The following POLA1 variants were observed in gnomAD, a reference collection of about 807,000 sequenced individuals.
POLA1 encodes DNA polymerase alpha catalytic subunit.
POLA1 carries 15 observed loss-of-function variants against 124.0 expected under a neutral mutation model. The observed-to-expected ratio is 0.12, with a 90% CI of 0.08 to 0.19. The LOEUF (loss-of-function observed/expected upper bound fraction) is 0.19, where lower values mean the gene tolerates loss of function less well. Ranked by LOEUF, POLA1 falls within the 10% of genes least tolerant of loss-of-function variation. The probability of loss-of-function intolerance (pLI) is 1.00; values close to 1 mark genes in which losing one functional copy is unlikely to be tolerated. For synonymous variants in POLA1, 408 were observed against 389.4 expected (o/e 1.05, Z -0.56); for missense variants, 886 against 1,103.4 (o/e 0.80, Z 2.79).
intron 36 of POLA1, among the ~76,000 whole-genome samples, chrX:24,947,336 C>T (rs1254800691): frequency 5.5e-5 from 5 of 90,753 alleles, no homozygotes; most frequent in East Asian, 3.8e-4. Flanking sequence ...GGCGCAATCA[C>T]GGCTCACTGC....
chrX:24,780,762 A>T (rs940007171), intron 26 of POLA1, among the ~76,000 whole-genome samples: 5 of 111,606 alleles, frequency 4.5e-5, no homozygotes, highest in Non-Finnish European at 5.6e-5. Context: ...TTGGTCTGAA[A>T]TTTTCTTTTC....
At position 24,838,730 on chromosome X, in the gene POLA1, AGT is replaced by A. The variant is rs11573428; in HGVS notation, c.3737-2919_3737-2918del. Among the ~76,000 whole-genome samples, 390 of 112,675 alleles carry A rather than the reference AGT, an allele frequency of 3.5e-3. 19 individuals are homozygous for A. In the East Asian group the frequency reaches 0.089, roughly 26 times the overall value. On this transcript the variant is annotated intron_variant, in intron 32 of 36. Coordinates refer to ENST00000379068, the MANE Select transcript of POLA1 (RefSeq NM_001330360.2). Reference sequence around the variant, plus strand: ...TTGCTTTAATGTCATTTTTGACAGAAGTGTTTAATTTTGGAGTGACAACAATT... The same window carrying A: ...TTGCTTTAATGTCATTTTTGACAGAAGTTTAATTTTGGAGTGACAACAATT...
chrX:24,753,129 T>G (rs1602335168), intron 26 of POLA1, among the ~76,000 whole-genome samples: 1 of 108,731 alleles, frequency 9.2e-6, no homozygotes, highest in East Asian at 2.9e-4. Flanking sequence ...CTACTCTCCC[T>G]CAGCCTCCCG....
At chrX:24,820,446 A>G (rs1000011455) in intron 30 of POLA1, among the ~76,000 whole-genome samples, 1 of 111,466 alleles carries the variant, frequency 9.0e-6, no homozygotes, top group Non-Finnish European at 1.9e-5. Context: ...AGGGCTGGGT[A>G]TCCCCCTCCT....
At chrX:24,711,877 C>A (rs1014260907) in intron 4 of POLA1, among the ~76,000 whole-genome samples, 2 of 111,321 alleles carry the variant, frequency 1.8e-5, no homozygotes, top group Non-Finnish European at 3.8e-5. Context: ...GGATTACAGG[C>A]GTGAGCCACC....
intron 36 of POLA1, among the ~76,000 whole-genome samples, chrX:24,943,082 C>G (rs1337153019): frequency 8.9e-6 from 1 of 112,695 alleles, no homozygotes; most frequent in Non-Finnish European, 1.9e-5. Flanking sequence ...TTGATCCATC[C>G]TACAGGATAC....
chrX:24,888,462 G>A (rs1360715596), intron 35 of POLA1, among the ~76,000 whole-genome samples: 2 of 110,902 alleles, frequency 1.8e-5, no homozygotes, highest in Non-Finnish European at 3.8e-5. Context: ...ATTTGTAAGA[G>A]CCAGAAATCC....
intron 26 of POLA1, chrX:24,789,084 C>G: frequency 8.3e-7 from 1 of 1,202,304 alleles, no homozygotes; most frequent in Non-Finnish European, 1.1e-6. Context: ...TCGGCTGTAT[C>G]CGAGAGCTGG....
In POLA1 at chrX:24,830,261, A is replaced by G. The variant is rs775654462; in HGVS notation, c.3736+3660A>G. ...CAAGCATCAAGTGTTGGTTTATCCTATGGCTTCACTTTGGAAATTCTCTAT... is the reference window on the plus strand; with the variant it reads ...CAAGCATCAAGTGTTGGTTTATCCTGTGGCTTCACTTTGGAAATTCTCTAT... On this transcript the variant is annotated intron_variant, in intron 32 of 36. Coordinates refer to ENST00000379068, the MANE Select transcript of POLA1 (RefSeq NM_001330360.2). 4.5e-5 allele frequency among the ~76,000 whole-genome samples: 5 copies of G among 111,823 alleles called. No individual in the cohort carries two copies. The South Asian group carries it at 1.1e-3, about 25-fold the overall frequency.
chrX:24,954,099 TC>T (rs1426120943), intron 36 of POLA1, among the ~76,000 whole-genome samples: 2 of 112,289 alleles, frequency 1.8e-5, no homozygotes, highest in Non-Finnish European at 3.8e-5. Context: ...CCACATTAGT[TC>T]CAGGAAGTGC....
intron 35 of POLA1, among the ~76,000 whole-genome samples, chrX:24,901,855 G>A (rs770308343): frequency 1.9e-4 from 21 of 111,798 alleles, no homozygotes; most frequent in Non-Finnish European, 7.5e-5. Flanking sequence ...CTAAGATCTT[G>A]CCTATGGACC....
chrX:24,711,075 T>C (rs1445825869), intron 4 of POLA1, among the ~76,000 whole-genome samples: 1 of 111,963 alleles, frequency 8.9e-6, no homozygotes. Flanking sequence ...CTCCGCCTCC[T>C]GGGCTCAAGC....
intron 34 of POLA1, among the ~76,000 whole-genome samples, chrX:24,854,003 T>A (rs771959293): frequency 3.6e-5 from 4 of 112,277 alleles, no homozygotes; most frequent in Non-Finnish European, 5.6e-5. Context: ...GAGCATGTGA[T>A]GATGAGAAAT....
chrX:24,993,751 A>AAG (rs2048563938), intron 36 of POLA1, among the ~76,000 whole-genome samples: 2 of 111,641 alleles, frequency 1.8e-5, no homozygotes, highest in South Asian at 7.6e-4. Flanking sequence ...GTTATTGATT[A>AAG]AATTCTCTTT....
chrX:24,703,423 C>T (rs1291125845), intron 3 of POLA1, 76 bp downstream of exon 3: 1 of 706,809 alleles, frequency 1.4e-6, no homozygotes, highest in Non-Finnish European at 2.2e-6. Context: ...GATTCTCACT[C>T]ATGTGGTGGA....
At chrX:24,903,915 TTTTTTTC>T (rs1295614240) in intron 35 of POLA1, among the ~76,000 whole-genome samples, 2 of 108,957 alleles carry the variant, frequency 1.8e-5, no homozygotes, top group African/African-American at 6.7e-5. Flanking sequence ...ATTTCTTTTT[TTTTTTTC>T]TTTTTTCTTT....
chrX:24,787,221 TCTTA>T lies in POLA1; in HGVS notation c.2965-22672_2965-22669del, dbSNP rs753529964. 2.6e-4 allele frequency among the ~76,000 whole-genome samples: 29 copies of T among 111,971 alleles called. No individual in the cohort carries two copies. The East Asian group carries it at 5.6e-3, about 22-fold the overall frequency. Reference sequence around the variant, plus strand: ...TTGCTTTCTTTTTAGTTTGTTGCAGTCTTACTTATTTATTTTTGCTGTTGTTGCC... The same window carrying T: ...TTGCTTTCTTTTTAGTTTGTTGCAGTCTTATTTATTTTTGCTGTTGTTGCC... On this transcript the variant is annotated intron_variant, in intron 26 of 36. Transcript: ENST00000379068.
At chrX:24,849,892 A>C (rs1010873386) in intron 34 of POLA1, among the ~76,000 whole-genome samples, 3 of 111,108 alleles carry the variant, frequency 2.7e-5, no homozygotes, top group Non-Finnish European at 5.7e-5. Flanking sequence ...GGCCTCCCAA[A>C]GTGCTGGGAT....
At chrX:24,938,755 A>G (rs759886848) in intron 36 of POLA1, among the ~76,000 whole-genome samples, 89 of 112,546 alleles carry the variant, frequency 7.9e-4, no homozygotes, top group African/African-American at 2.8e-3. Context: ...ATTTTTCTCT[A>G]TGGATACTGC....
Sources: gnomAD v4.1 joint callset for allele counts (sites outside exome capture counted in the v4.1 genomes callset) on GRCh38, gnomAD v4.1.1 for gene constraint, MANE v1.5 for transcripts, NCBI Gene and HGNC (gene_info 2026-07-23, HGNC 2026-07-21) for gene names.